SPATS2L: variants seen among roughly 807,000 people sequenced by gnomAD.
SPATS2L encodes SPATS2-like protein.
Under a neutral mutation model 59.6 loss-of-function variants are expected in SPATS2L, and 30 were observed. That is an observed-to-expected ratio of 0.50 (90% CI 0.38 to 0.68). The LOEUF (loss-of-function observed/expected upper bound fraction) is 0.68. Among genes scored for constraint, SPATS2L ranks in the 30% least tolerant of loss-of-function variants. The pLI, the probability that SPATS2L is intolerant of heterozygous loss-of-function variation, is 0.00. For synonymous variants in SPATS2L, 252 were observed against 263.5 expected (o/e 0.96, Z 0.42); for missense variants, 615 against 700.0 (o/e 0.88, Z 1.37).
intron 6 of SPATS2L, among the ~76,000 whole-genome samples, chr2:200,434,494 A>G (rs2084148584): frequency 6.6e-6 from 1 of 152,100 alleles, no homozygotes; most frequent in Non-Finnish European, 1.5e-5. Flanking sequence ...AAAAAAATAA[A>G]GCTGCCAGAA....
In SPATS2L at chr2:200,477,898, CA is replaced by C; in HGVS notation, c.1545del (p.Asp516ThrfsTer25). The C allele has an allele frequency of 1.2e-6, 2 of 1,611,646 alleles. No individual in the cohort carries two copies. Among genetic ancestry groups the C allele is most frequent in the Non-Finnish European group, 1.7e-6 (2 of 1,179,056 alleles). ...SEKPRRRQHA[A>X]DTSEARPFRG... ...AAGCCCCGGCGAAGGCAGCACGCTG[CA>C]GACACCTCGGAGGCCAGGCCCTTCC... On this transcript the variant is annotated frameshift_variant, in exon 13 of 13. Coordinates refer to ENST00000409140, the MANE Select transcript of SPATS2L (RefSeq NM_001100423.2). LOFTEE classifies it high-confidence loss of function.
intron 2 of SPATS2L, 131 bp downstream of exon 2, chr2:200,329,611 AC>A: frequency 1.4e-6 from 1 of 734,852 alleles, no homozygotes; most frequent in Non-Finnish European, 2.3e-6. Context: ...TCAGGGCTCA[AC>A]ACCAGAGTTC....
chr2:200,454,922 T>C (rs1355884350), intron 8 of SPATS2L, among the ~76,000 whole-genome samples: 1 of 152,186 alleles, frequency 6.6e-6, no homozygotes, highest in Non-Finnish European at 1.5e-5. Context: ...GCAAAAACAT[T>C]CAGAACTTAG....
intron 8 of SPATS2L, 138 bp from the exon 9 acceptor site, chr2:200,459,631 G>T (rs1175524181): frequency 1.4e-6 from 1 of 693,912 alleles, no homozygotes; most frequent in African/African-American, 1.8e-5. Flanking sequence ...AGAGTGTACT[G>T]CTGGCATTGT....
chr2:200,431,008 G>A (rs534195654), intron 6 of SPATS2L, among the ~76,000 whole-genome samples: 1 of 152,040 alleles, frequency 6.6e-6, no homozygotes, highest in East Asian at 1.9e-4. Context: ...ATGAACCATC[G>A]CACCCGGCCT....
chr2:200,350,695 TTTTG>T (rs1291670419), intron 2 of SPATS2L, among the ~76,000 whole-genome samples: 2 of 151,958 alleles, frequency 1.3e-5, no homozygotes, highest in South Asian at 2.1e-4. Context: ...AGCTATGTTT[TTTTG>T]TTTGTTTGTT....
intron 2 of SPATS2L, among the ~76,000 whole-genome samples, chr2:200,368,834 T>G (rs2081338736): frequency 6.6e-6 from 1 of 152,214 alleles, no homozygotes; most frequent in Non-Finnish European, 1.5e-5. Context: ...TAGGTACTCC[T>G]AAAGCTCCTC....
intron 6 of SPATS2L, among the ~76,000 whole-genome samples, chr2:200,434,036 A>G (rs1213185349): frequency 6.6e-6 from 1 of 152,066 alleles, no homozygotes; most frequent in Non-Finnish European, 1.5e-5. Context: ...AGAAGCAAAA[A>G]TCCTCAACAA....
At chr2:200,424,476 A>G (rs2083446078) in intron 6 of SPATS2L, among the ~76,000 whole-genome samples, 1 of 151,982 alleles carries the variant, frequency 6.6e-6, no homozygotes, top group Non-Finnish European at 1.5e-5. Flanking sequence ...GGTACAGGGC[A>G]AATCCCTATC....
At chr2:200,394,032 T>A (rs1438040018) in intron 3 of SPATS2L, among the ~76,000 whole-genome samples, 1 of 152,252 alleles carries the variant, frequency 6.6e-6, no homozygotes, top group Non-Finnish European at 1.5e-5. Flanking sequence ...AGCAGGTAGC[T>A]AATGATTTCA....
chr2:200,333,498 ATTTTATTTTAT>A (rs904613657), intron 2 of SPATS2L, among the ~76,000 whole-genome samples: 1 of 151,366 alleles, frequency 6.6e-6, no homozygotes, highest in African/African-American at 2.4e-5. Context: ...TTTATTTTTT[ATTTTATTTTAT>A]TTTTTATTTT....
chr2:200,430,163 T>C (rs981752470), intron 6 of SPATS2L, among the ~76,000 whole-genome samples: 7 of 152,204 alleles, frequency 4.6e-5, no homozygotes, highest in Admixed American at 3.9e-4. Context: ...AGACCACATC[T>C]GTCTTTCATT....
intron 2 of SPATS2L, among the ~76,000 whole-genome samples, chr2:200,332,809 T>C (rs2079993984): frequency 6.6e-6 from 1 of 151,750 alleles, no homozygotes; most frequent in South Asian, 2.1e-4. Context: ...TATGTATCTA[T>C]GTATTCTAGA....
intron 8 of SPATS2L, among the ~76,000 whole-genome samples, chr2:200,452,430 T>C (rs1056481202): frequency 6.6e-6 from 1 of 152,196 alleles, no homozygotes; most frequent in South Asian, 2.1e-4. Context: ...CTCCAAAATA[T>C]TACTAATGTT....
At chr2:200,443,633 C>T (rs747485003) in intron 8 of SPATS2L, among the ~76,000 whole-genome samples, 1 of 152,190 alleles carries the variant, frequency 6.6e-6, no homozygotes, top group Non-Finnish European at 1.5e-5. Context: ...ACTCAACAAG[C>T]ATTTCGTGTA....
intron 1 of SPATS2L, among the ~76,000 whole-genome samples, chr2:200,320,385 A>G (rs1040634565): frequency 7.2e-5 from 11 of 152,238 alleles, no homozygotes; most frequent in African/African-American, 2.7e-4. Flanking sequence ...AACTTCACCT[A>G]TCATTTCAAC....
chr2:200,308,931 C>T, intron 1 of SPATS2L: 2 of 656,434 alleles, frequency 3.0e-6, no homozygotes, highest in Non-Finnish European at 2.8e-6. Context: ...TTTCTGCATG[C>T]ACTGATTTTC....
chr2:200,364,877 A>G (rs2081220809), intron 2 of SPATS2L, among the ~76,000 whole-genome samples: 1 of 152,184 alleles, frequency 6.6e-6, no homozygotes, highest in Non-Finnish European at 1.5e-5. Context: ...GAGGCATTCC[A>G]GTTCAGGGAT....
At chr2:200,471,676 A>G (rs1243578860) in intron 11 of SPATS2L, among the ~76,000 whole-genome samples, 1 of 152,176 alleles carries the variant, frequency 6.6e-6, no homozygotes, top group Non-Finnish European at 1.5e-5. Flanking sequence ...TCTGGTGAGC[A>G]TAGGAGCCAC....
Sources: allele counts gnomAD v4.1 joint callset (sites outside exome capture counted in the v4.1 genomes callset), GRCh38; gene constraint gnomAD v4.1.1; transcripts MANE v1.5; gene names NCBI Gene and HGNC (gene_info 2026-07-23, HGNC 2026-07-21).